The following SORCS3 variants were observed in gnomAD, a reference collection of about 807,000 sequenced individuals.
SORCS3 encodes the protein VPS10 domain-containing receptor SorCS3.
Under a neutral mutation model 146.3 loss-of-function variants are expected in SORCS3, and 57 were observed. That is an observed-to-expected ratio of 0.39 (90% CI 0.31 to 0.49). The LOEUF (loss-of-function observed/expected upper bound fraction) is 0.49. SORCS3 is among the 20% of genes least tolerant of loss of function. SORCS3 has a pLI of 0.92. For synonymous variants in SORCS3, 653 were observed against 618.5 expected, an observed-to-expected ratio of 1.06 and a Z score of -0.83; for missense variants, 1,341 against 1,575.5, an observed-to-expected ratio of 0.85 and a Z score of 2.52.
intron 17 of SORCS3, among the ~76,000 whole-genome samples, chr10:105,211,771 G>T (rs113519761): frequency 6.6e-5 from 10 of 152,334 alleles, no homozygotes; most frequent in African/African-American, 2.4e-4. Context: ...TCTTTCGCAT[G>T]CTTGAAAAAC....
intron 4 of SORCS3, among the ~76,000 whole-genome samples, chr10:105,015,306 C>T (rs977761734): frequency 3.4e-4 from 52 of 152,132 alleles, no homozygotes; most frequent in African/African-American, 1.2e-3. Flanking sequence ...TGCCAGGAGA[C>T]ACATGCATGA....
intron 13 of SORCS3, 128 bp downstream of exon 13, chr10:105,167,477 A>G: frequency 1.5e-6 from 1 of 655,482 alleles, no homozygotes; most frequent in Non-Finnish European, 2.6e-6. Context: ...TTATCCATCC[A>G]TCCATTTAAT....
chr10:104,742,023 T>C (rs776833345), intron 1 of SORCS3, among the ~76,000 whole-genome samples: 4 of 152,022 alleles, frequency 2.6e-5, no homozygotes, highest in Non-Finnish European at 4.4e-5. Flanking sequence ...AATTGTATCC[T>C]GGACATTTGG....
chr10:105,132,305 CAAT>C (rs1230663460), intron 7 of SORCS3, among the ~76,000 whole-genome samples: 1 of 152,004 alleles, frequency 6.6e-6, no homozygotes, highest in Non-Finnish European at 1.5e-5. Flanking sequence ...ATGCTATTAA[CAAT>C]AATGATAGTA....
chr10:105,126,420 G>T (rs1311110173), intron 7 of SORCS3, among the ~76,000 whole-genome samples: 2 of 152,070 alleles, frequency 1.3e-5, no homozygotes. Context: ...GAACAATTCA[G>T]CCAGGTCCTG....
chr10:105,233,302 A>C (rs1285209889), intron 20 of SORCS3, among the ~76,000 whole-genome samples: 2 of 152,160 alleles, frequency 1.3e-5, no homozygotes, highest in African/African-American at 4.8e-5. Flanking sequence ...TTGTATGTAA[A>C]CATACATAAG....
chr10:104,912,558 G>C (rs2018979836), intron 2 of SORCS3, among the ~76,000 whole-genome samples: 1 of 152,220 alleles, frequency 6.6e-6, no homozygotes, highest in African/African-American at 2.4e-5. Context: ...GGCATTGTTT[G>C]CTGTGTGTTG....
chr10:104,668,560 T>C (rs1419184234), intron 1 of SORCS3, among the ~76,000 whole-genome samples: 1 of 152,230 alleles, frequency 6.6e-6, no homozygotes, highest in Non-Finnish European at 1.5e-5. Flanking sequence ...ATAATGTTGA[T>C]ATTCAGATTC....
At chr10:105,099,795 C>T (rs1368186757) in intron 6 of SORCS3, among the ~76,000 whole-genome samples, 6 of 152,172 alleles carry the variant, frequency 3.9e-5, no homozygotes, top group Non-Finnish European at 8.8e-5. Context: ...GTCAGATTTT[C>T]TCCATCTCTT....
At chr10:104,889,130 A>G (rs546333794) in intron 2 of SORCS3, among the ~76,000 whole-genome samples, 63 of 150,938 alleles carry the variant, frequency 4.2e-4, no homozygotes, top group African/African-American at 1.5e-3. Flanking sequence ...TCTTTTTTTT[A>G]TTGGTATATA....
At chr10:104,901,120 C>T (rs1400277667) in intron 2 of SORCS3, among the ~76,000 whole-genome samples, 1 of 152,158 alleles carries the variant, frequency 6.6e-6, no homozygotes, top group Admixed American at 6.6e-5. Context: ...TTGTCTTCTT[C>T]ATTGACATTG....
intron 4 of SORCS3, among the ~76,000 whole-genome samples, chr10:105,008,082 A>G (rs1395887873): frequency 6.6e-6 from 1 of 152,128 alleles, no homozygotes; most frequent in Non-Finnish European, 1.5e-5. Flanking sequence ...TCTGTTTAGC[A>G]TTTCTGATTC....
chr10:104,644,059 G>T (rs2133233561), intron 1 of SORCS3, among the ~76,000 whole-genome samples: 1 of 152,362 alleles, frequency 6.6e-6, no homozygotes. Context: ...TGAGGGGCAG[G>T]TCTGGCCCGT....
Position 104,962,849 on chromosome 10 carries a change from G to A in SORCS3, c.796-14486G>A, listed in dbSNP as rs555389583. Among the ~76,000 whole-genome samples, 10 of 152,266 alleles carry A rather than the reference G, an allele frequency of 6.6e-5. No individual in the cohort carries two copies. The East Asian group carries it at 1.5e-3, about 23-fold the overall frequency. ...CCACTTAGGAATAACCACTGTTAAC[G>A]TGAATGTTTGTTTCAAGTTATCTAC... On this transcript the variant is annotated intron_variant, in intron 3 of 26. Coordinates refer to ENST00000369701, the MANE Select transcript of SORCS3 (RefSeq NM_014978.3).
chr10:104,742,274 T>G (rs896231595), intron 1 of SORCS3, among the ~76,000 whole-genome samples: 28 of 152,354 alleles, frequency 1.8e-4, no homozygotes, highest in Admixed American at 5.9e-4. Flanking sequence ...GTTCATCTCC[T>G]TAGCAGAAAA....
chr10:105,053,603 T>A (rs2055427236), intron 5 of SORCS3, among the ~76,000 whole-genome samples: 1 of 151,956 alleles, frequency 6.6e-6, no homozygotes, highest in Non-Finnish European at 1.5e-5. Context: ...TAGTATAATT[T>A]TAAACATATA....
chr10:105,074,543 C>T (rs1015398740), intron 5 of SORCS3, among the ~76,000 whole-genome samples: 2 of 152,164 alleles, frequency 1.3e-5, no homozygotes, highest in East Asian at 1.9e-4. Flanking sequence ...ATTATGTTGT[C>T]GCAGGAACAT....
intron 25 of SORCS3, among the ~76,000 whole-genome samples, chr10:105,257,507 G>T (rs1436575464): frequency 1.3e-5 from 2 of 152,070 alleles, no homozygotes; most frequent in African/African-American, 4.8e-5. Flanking sequence ...GCCACAGAAG[G>T]GGTGGTATAA....
chr10:105,053,993 T>G (rs993214030), intron 5 of SORCS3, among the ~76,000 whole-genome samples: 2 of 152,094 alleles, frequency 1.3e-5, no homozygotes, highest in Non-Finnish European at 2.9e-5. Context: ...CTATACCACA[T>G]AAAAATTTAA....
Sources: gnomAD v4.1 joint callset for allele counts (sites outside exome capture counted in the v4.1 genomes callset) on GRCh38, gnomAD v4.1.1 for gene constraint, MANE v1.5 for transcripts, NCBI Gene and HGNC (gene_info 2026-07-23, HGNC 2026-07-21) for gene names.